Variants in PLIN4 observed in about 807,000 individuals in gnomAD.
PLIN4 encodes perilipin-4.
Under a neutral mutation model 52.4 loss-of-function variants are expected in PLIN4, and 57 were observed. That is an observed-to-expected ratio of 1.09 (90% CI 0.88 to 1.36). PLIN4 has a LOEUF of 1.36. PLIN4 is among the 40% of genes most tolerant of loss of function. The probability of loss-of-function intolerance (pLI) is 0.00; values close to 1 mark genes in which losing one functional copy is unlikely to be tolerated. For missense variants in PLIN4, 1,757 were observed against 1,770.3 expected, an observed-to-expected ratio of 0.99 and a Z score of 0.13; for synonymous variants, 826 against 785.4, an observed-to-expected ratio of 1.05 and a Z score of -0.86.
Position 4,513,596 on chromosome 19 carries a change from G to A in PLIN4, c.364C>T (p.Gln122Ter). The A allele has an allele frequency of 1.2e-6, 2 of 1,605,890 alleles. No homozygotes were observed. Among genetic ancestry groups the A allele is most frequent in the Non-Finnish European group, 1.7e-6 (2 of 1,176,672 alleles). Residue 122 changes from glutamine to a stop codon, truncating the protein, a stop_gained, in exon 5 of 8, where the codon CAG becomes TAG. Coordinates refer to ENST00000301286, the MANE Select transcript of PLIN4 (RefSeq NM_001367868.2). LOFTEE classifies it high-confidence loss of function. Reference sequence around the variant, plus strand: ...GACCGAGTGGTGTCCAGGCCTCCCTGGACCACTCCCTTAGCCACGTCCACC... The same window carrying A: ...GACCGAGTGGTGTCCAGGCCTCCCTAGACCACTCCCTTAGCCACGTCCACC... ...SVVDVAKGVV[Q>*]GGLDTTRSAL...
intron 6 of PLIN4, among the ~76,000 whole-genome samples, chr19:4,507,300 G>A (rs1319907687): frequency 1.3e-5 from 2 of 152,364 alleles, no homozygotes; most frequent in East Asian, 1.9e-4. Context: ...TGCTGGGCAC[G>A]GTGGCTCACG....
Position 4,511,906 on chromosome 19 carries a change from C to T in PLIN4, c.2054G>A (p.Gly685Asp), listed in dbSNP as rs763855887. Residue 685 changes from glycine (G) to aspartate (D), a missense_variant, in exon 5 of 8, where the codon GGT becomes GAT. Transcript: ENST00000301286. ...CAGCACGGTCTTGGCCGTGTCTACA[C>T]CTGTCTGGGCAGCCCCTTTGGCCAC... Reference protein sequence around the residue: ...VNVAKGAAQTGVDTAKTVLTG... With the variant: ...VNVAKGAAQTDVDTAKTVLTG... 1.0e-5 allele frequency: 16 copies of T among 1,606,492 alleles called. No homozygotes were observed. Among genetic ancestry groups the T allele is most frequent in the Non-Finnish European group, 1.4e-5 (16 of 1,174,448 alleles).
intron 5 of PLIN4, among the ~76,000 whole-genome samples, chr19:4,509,310 C>CAAAAAAAAAAAAAAAAAAAAAAAAA (rs71168909): frequency 0.027 from 421 of 15,714 alleles, 161 homozygotes; most frequent in Non-Finnish European, 0.038. Context: ...GACTCCGTCT[C>CAAAAAAAAAAAAAAAAAAAAAAAAA]AAAAAAAAAA....
intron 6 of PLIN4, among the ~76,000 whole-genome samples, chr19:4,505,807 G>A (rs531567103): frequency 6.6e-6 from 1 of 151,896 alleles, no homozygotes; most frequent in Non-Finnish European, 1.5e-5. Flanking sequence ...GCGTCCCCTC[G>A]GTGCCCACCA....
intron 6 of PLIN4, among the ~76,000 whole-genome samples, chr19:4,507,670 C>T (rs1376446359): frequency 6.6e-6 from 1 of 152,138 alleles, no homozygotes; most frequent in East Asian, 1.9e-4. Context: ...GCCTGGGTGG[C>T]AGAGCAAGAC....
intron 6 of PLIN4, among the ~76,000 whole-genome samples, chr19:4,506,757 A>G (rs1308031924): frequency 6.6e-6 from 1 of 152,228 alleles, no homozygotes; most frequent in Non-Finnish European, 1.5e-5. Flanking sequence ...AAGGTGGGAA[A>G]ATGCTTTGTG....
At chr19:4,508,337 ACCTCCG>A (rs1225464714) in intron 6 of PLIN4, among the ~76,000 whole-genome samples, 1 of 151,870 alleles carries the variant, frequency 6.6e-6, no homozygotes, top group African/African-American at 2.4e-5. Context: ...GCTCACTGCA[ACCTCCG>A]CCTCCCGGGT....
intron 6 of PLIN4, among the ~76,000 whole-genome samples, chr19:4,505,758 G>A (rs1384730051): frequency 6.6e-6 from 1 of 151,790 alleles, no homozygotes; most frequent in Non-Finnish European, 1.5e-5. Flanking sequence ...CCCTCGCCGC[G>A]CCAGTGCTGG....
Position 4,511,949 on chromosome 19 carries a change from C to T in PLIN4, c.2011G>A (p.Val671Met), listed in dbSNP as rs762933337. ...TGTKNTFGSG[V>M]TSAVNVAKGA... ...TTGGCCACATTCACAGCACTGGTCA[C>T]CCCACTGCCAAAGGTGTTCTTTGTA... Residue 671 changes from valine to methionine, a missense_variant, in exon 5 of 8, where the codon GTG (valine) becomes ATG (methionine). Val to Met is a conservative substitution (Grantham distance 21). Around this residue, in one of 7 missense-constraint regions of PLIN4, gnomAD observed 439 missense variants for 406.4 expected, o/e 1.08. Coordinates refer to ENST00000301286, the MANE Select transcript of PLIN4 (RefSeq NM_001367868.2). The T allele has an allele frequency of 1.2e-6, 2 of 1,602,532 alleles. No individual in the cohort carries two copies. The highest frequency in any genetic ancestry group is 1.1e-5 in the South Asian group (1 of 90,490).
At chr19:4,505,291 A>G (rs1239097963) in intron 6 of PLIN4, among the ~76,000 whole-genome samples, 3 of 151,992 alleles carry the variant, frequency 2.0e-5, no homozygotes, top group Non-Finnish European at 4.4e-5. Context: ...CTCATCTCCC[A>G]TGGCACCCCA....
At position 4,510,434 on chromosome 19, in the gene PLIN4, G is replaced by A. The variant is rs774436353; in HGVS notation, c.3514+12C>T. On this transcript the variant is annotated intron_variant, in intron 5 of 7. Transcript: ENST00000301286. ...CTGCCTCAGGGACCCATGAACCCAG[G>A]CGTCCCCTCACCTTGCTCCTCCGCA... The A allele has an allele frequency of 7.1e-7, 1 of 1,401,018 alleles. No individual in the cohort carries two copies. The highest frequency in any genetic ancestry group is 1.5e-5 in the African/African-American group (1 of 68,658). The allele number at this position is 1,401,018 out of a possible 1,614,324, so 86.8% of individuals were successfully genotyped here.
chr19:4,516,506 G>T, intron 4 of PLIN4, 111 bp downstream of exon 4: 1 of 1,313,964 alleles, frequency 7.6e-7, no homozygotes, highest in Non-Finnish European at 1.0e-6. Context: ...AGCAGGAACT[G>T]AAATGTCCCA....
chr19:4,515,650 A>C (rs1157200764), intron 4 of PLIN4, among the ~76,000 whole-genome samples: 1 of 152,168 alleles, frequency 6.6e-6, no homozygotes, highest in East Asian at 1.9e-4. Flanking sequence ...AGACATCTGT[A>C]GTTGTCACAA....
chr19:4,514,346 G>A (rs549873479), intron 4 of PLIN4, among the ~76,000 whole-genome samples: 86 of 152,286 alleles, frequency 5.6e-4, no homozygotes, highest in African/African-American at 2.0e-3. Context: ...TATTTGGGAG[G>A]CTGAGGTGGG....
chr19:4,508,418 C>T (rs1037304232), intron 6 of PLIN4, among the ~76,000 whole-genome samples: 1 of 152,208 alleles, frequency 6.6e-6, no homozygotes, highest in Non-Finnish European at 1.5e-5. Flanking sequence ...AGGCGCCTGC[C>T]ACCACTCCCA....
At chr19:4,518,355 C>T (rs1352509494) in intron 1 of PLIN4, 30 bp downstream of exon 1, 13 of 1,232,022 alleles carry the variant, frequency 1.1e-5, no homozygotes, top group Middle Eastern at 3.1e-4. Flanking sequence ...ACCCACTCCC[C>T]ACTGAAAGCC....
In PLIN4 at chr19:4,512,705, G is replaced by T; in HGVS notation, c.1255C>A (p.Gln419Lys). Residue 419 changes from glutamine (Q) to lysine (K), a missense_variant, in exon 5 of 8, where the codon CAA (glutamine) becomes AAA (lysine). Transcript: ENST00000301286. ...TTTTGGGTTGTGTTCAGCCCAGTTTGCATGGCCCCCTTGGCCACATTCGCT... is the reference window on the plus strand; with the variant it reads ...TTTTGGGTTGTGTTCAGCCCAGTTTTCATGGCCCCCTTGGCCACATTCGCT... ...GAANVAKGAM[Q>K]TGLNTTQNIA... 1 of 1,555,424 alleles carries T rather than the reference G, an allele frequency of 6.4e-7. No individual in the cohort carries two copies. The highest frequency in any genetic ancestry group is 8.6e-7 in the Non-Finnish European group (1 of 1,157,088).
Position 4,508,753 on chromosome 19 carries a change from G to A in PLIN4, c.3702+15C>T, listed in dbSNP as rs762997915. The A allele has an allele frequency of 6.4e-7, 1 of 1,564,596 alleles. No individual in the cohort carries two copies. The highest frequency in any genetic ancestry group is 8.7e-7 in the Non-Finnish European group (1 of 1,155,140). On this transcript the variant is annotated intron_variant, in intron 6 of 7. Transcript: ENST00000301286. ...GTGCCCTGGGGACGGGGCAGCAGCA[G>A]GGGGAAGCTCTTACCAGCCTGAAGC...
chr19:4,502,294 C>G lies in PLIN4; in HGVS notation c.*2165G>C. ...GCGCAGGCGGCAGTGTCACTGGGCC[C>G]GTTTGGGACTGGGTTGAGCCATCAG... On this transcript the variant is annotated 3_prime_UTR_variant, in exon 8 of 8. Transcript: ENST00000301286. 2.0e-6 allele frequency: 1 copy of G among 498,256 alleles called. No individual in the cohort carries two copies. Among genetic ancestry groups the G allele is most frequent in the Admixed American group, 3.2e-5 (1 of 31,258 alleles). The allele number at this position is 498,256 out of a possible 1,614,324, so 30.9% of individuals were successfully genotyped here. A position where few individuals can be genotyped will look rare whatever the true frequency, so the allele number is the denominator to read the frequency against.
Sources: allele counts gnomAD v4.1 joint callset (sites outside exome capture counted in the v4.1 genomes callset), GRCh38; gene constraint gnomAD v4.1.1; regional missense constraint gnomAD v4.1.1; transcripts MANE v1.5; gene names NCBI Gene and HGNC (gene_info 2026-07-23, HGNC 2026-07-21).